STRBP: variants seen among roughly 807,000 people sequenced by gnomAD.
The protein encoded by STRBP is spermatid perinuclear RNA binding protein.
In STRBP, 13 loss-of-function variants were observed where a neutral mutation model predicts 80.1. The observed-to-expected ratio is 0.16, with a 90% CI of 0.11 to 0.26. STRBP has a LOEUF of 0.26. Among genes scored for constraint, STRBP ranks in the 10% least tolerant of loss-of-function variants. The pLI is 1.00. For synonymous variants in STRBP, 284 were observed against 291.2 expected (o/e 0.98, Z 0.25); for missense variants, 485 against 815.2 (o/e 0.59, Z 4.93).
In STRBP at chr9:123,161,044, G is replaced by A. The variant is rs142444657; in HGVS notation, c.560C>T (p.Pro187Leu). 442 of 1,599,884 alleles carry A rather than the reference G, an allele frequency of 2.8e-4. 2 individuals are homozygous for A. Among genetic ancestry groups the A allele is most frequent in the Middle Eastern group, 2.3e-3 (14 of 6,028 alleles). ...GCATTTCTGCCTGTCCAATAAGTCC[G>A]GAGGATCTTTCATCGAAACATTTTC... is the stretch of plus-strand genomic sequence containing the variant. The part of the protein sequence containing the change: ...DGENVSMKDP[P>L]DLLDRQKCLN... Residue 187 changes from proline (P) to leucine (L), a missense_variant, in exon 7 of 19, where the codon CCG becomes CTG. Physicochemically the swap from Pro to Leu is moderately conservative, Grantham distance 98 (BLOSUM62 -3). Around this residue, in one of 3 missense-constraint regions of STRBP, gnomAD observed 377 missense variants for 616.1 expected, o/e 0.61. Transcript: ENST00000348403.
chr9:123,166,851 T>C (rs1166238571), intron 6 of STRBP, among the ~76,000 whole-genome samples: 1 of 152,134 alleles, frequency 6.6e-6, no homozygotes. Context: ...TATGCCTTCA[T>C]TAGCAGGAAA....
At chr9:123,249,432 G>A (rs1468453838) in intron 1 of STRBP, among the ~76,000 whole-genome samples, 5 of 151,744 alleles carry the variant, frequency 3.3e-5, no homozygotes, top group East Asian at 3.9e-4. Flanking sequence ...ACTTGAAGCC[G>A]AGCTTGAGAC....
intron 14 of STRBP, among the ~76,000 whole-genome samples, chr9:123,137,351 C>G (rs1390635042): frequency 6.6e-6 from 1 of 152,180 alleles, no homozygotes; most frequent in East Asian, 1.9e-4. Context: ...TTCCACCACA[C>G]AAGAAATGCT....
At chr9:123,223,071 A>G (rs2040120580) in intron 2 of STRBP, among the ~76,000 whole-genome samples, 1 of 152,014 alleles carries the variant, frequency 6.6e-6, no homozygotes, top group African/African-American at 2.4e-5. Flanking sequence ...AGATAGATAG[A>G]TAGATAGATA....
At chr9:123,245,661 G>T (rs2040786211) in intron 1 of STRBP, among the ~76,000 whole-genome samples, 1 of 152,142 alleles carries the variant, frequency 6.6e-6, no homozygotes, top group Non-Finnish European at 1.5e-5. Flanking sequence ...GATTACAGGC[G>T]TGAGCCACCA....
intron 2 of STRBP, among the ~76,000 whole-genome samples, chr9:123,235,310 TG>T (rs2040524044): frequency 1.3e-5 from 2 of 151,134 alleles, no homozygotes; most frequent in Non-Finnish European, 3.0e-5. Context: ...TTTTTCATTT[TG>T]CAAATAAATC....
chr9:123,172,950 A>G (rs2038069822), intron 5 of STRBP, among the ~76,000 whole-genome samples: 1 of 152,220 alleles, frequency 6.6e-6, no homozygotes, highest in African/African-American at 2.4e-5. Flanking sequence ...ATATAAAATT[A>G]TCAAAAGCTG....
chr9:123,237,831 A>G (rs2040601939), intron 1 of STRBP, among the ~76,000 whole-genome samples: 2 of 152,214 alleles, frequency 1.3e-5, no homozygotes, highest in South Asian at 4.1e-4. Context: ...TAATGCCTTC[A>G]CACAAGGTAA....
At chr9:123,210,430 A>G (rs2039667731) in intron 2 of STRBP, among the ~76,000 whole-genome samples, 1 of 152,102 alleles carries the variant, frequency 6.6e-6, no homozygotes, top group Non-Finnish European at 1.5e-5. Context: ...AAAGAAAAAA[A>G]AAATCCAGGA....
Position 123,210,554 on chromosome 9 carries a change from C to T in STRBP, c.-164-26256G>A, listed in dbSNP as rs182445405. ...TATTATAAAAAATGATCAAGCAGGCCGGGCGCAGTGGCTCACGCCTGTAAT... is the reference window on the plus strand; with the variant it reads ...TATTATAAAAAATGATCAAGCAGGCTGGGCGCAGTGGCTCACGCCTGTAAT... On this transcript the variant is annotated intron_variant, in intron 2 of 18. Transcript: ENST00000348403. Among the ~76,000 whole-genome samples, 8 of 152,148 alleles carry T rather than the reference C, an allele frequency of 5.3e-5. No individual in the cohort carries two copies. The East Asian group carries it at 7.7e-4, about 15-fold the overall frequency.
chr9:123,126,628 CTAGATAT>C lies in STRBP; in HGVS notation c.1943-962_1943-956del, dbSNP rs1378099489. Among the ~76,000 whole-genome samples the C allele has an allele frequency of 1.3e-5, 2 of 152,100 alleles. No homozygotes were observed. Among genetic ancestry groups the C allele is most frequent in the Admixed American group, 1.3e-4 (2 of 15,268 alleles). Reference sequence around the variant, plus strand: ...GAAAAACATGAATGTAACTTAGAATCTAGATATTAAAGTATTTTCAAAGGAAAAATCG... The same window carrying C: ...GAAAAACATGAATGTAACTTAGAATCTAAAGTATTTTCAAAGGAAAAATCG... On this transcript the variant is annotated intron_variant, in intron 18 of 18. Transcript: ENST00000348403. This position sits in a 1 kb window ranked among gnomAD's most constrained non-coding sequence, Gnocchi z 4.4.
chr9:123,132,769 T>C, intron 17 of STRBP, 76 bp downstream of exon 17: 13 of 1,577,662 alleles, frequency 8.2e-6, no homozygotes, highest in Non-Finnish European at 9.5e-6. Context: ...TGTACAACCT[T>C]AGAAAATGCA....
chr9:123,186,425 T>G (rs2038700419), intron 2 of STRBP, among the ~76,000 whole-genome samples: 1 of 152,120 alleles, frequency 6.6e-6, no homozygotes, highest in Non-Finnish European at 1.5e-5. Context: ...GGAAAAATCA[T>G]GGATCACCAA....
At chr9:123,204,780 C>T (rs556226435) in intron 2 of STRBP, among the ~76,000 whole-genome samples, 2 of 151,378 alleles carry the variant, frequency 1.3e-5, no homozygotes, top group African/African-American at 2.4e-5. Context: ...AAAAATTAGC[C>T]AGGCATGGTG....
chr9:123,250,903 T>C (rs1276827392), intron 1 of STRBP, among the ~76,000 whole-genome samples: 1 of 152,152 alleles, frequency 6.6e-6, no homozygotes, highest in Non-Finnish European at 1.5e-5. Flanking sequence ...GGATGGCTTG[T>C]AGCCAAGAGT....
intron 1 of STRBP, among the ~76,000 whole-genome samples, chr9:123,266,066 T>C (rs2041259888): frequency 1.3e-5 from 2 of 152,122 alleles, no homozygotes; most frequent in Admixed American, 1.3e-4. Context: ...CCTTTCTTCC[T>C]CTCTTATGCA....
chr9:123,199,693 G>C (rs1442817460), intron 2 of STRBP, among the ~76,000 whole-genome samples: 1 of 152,156 alleles, frequency 6.6e-6, no homozygotes, highest in Non-Finnish European at 1.5e-5. Flanking sequence ...ATCATTGCTG[G>C]TGTATAGCAG....
At chr9:123,168,284 G>A (rs1190956061) in intron 6 of STRBP, 3 of 956,286 alleles carry the variant, frequency 3.1e-6, no homozygotes, top group African/African-American at 1.8e-5. Flanking sequence ...AGCCATTTAA[G>A]ATTGGTTCTT....
chr9:123,244,937 A>G (rs935750383), intron 1 of STRBP, among the ~76,000 whole-genome samples: 3 of 152,222 alleles, frequency 2.0e-5, no homozygotes. Flanking sequence ...AAACTGTGAT[A>G]CTTCCCTACC....
Sources: allele counts gnomAD v4.1 joint callset (sites outside exome capture counted in the v4.1 genomes callset), GRCh38; gene constraint gnomAD v4.1.1; regional missense constraint gnomAD v4.1.1; non-coding constraint Gnocchi (gnomAD v3.1); transcripts MANE v1.5; gene names NCBI Gene and HGNC (gene_info 2026-07-23, HGNC 2026-07-21).